Variants in LOC128462377 observed in about 807,000 individuals in gnomAD.
At chr16:89,388,254 GC>G in the LOC128462377 span, among the ~76,000 whole-genome samples, 58 of 150,544 alleles carry the variant, frequency 3.9e-4, no homozygotes, top group East Asian at 0.011. Flanking sequence ...CAGGGCCCAC[GC>G]GGGTGGTGCC....
At chr16:89,399,111 C>T in the LOC128462377 span, among the ~76,000 whole-genome samples, 4 of 152,182 alleles carry the variant, frequency 2.6e-5, no homozygotes, top group African/African-American at 9.7e-5. Flanking sequence ...CTGTCACAGC[C>T]CAGGTGGCTC....
At chr16:89,405,074 C>T in the LOC128462377 span, among the ~76,000 whole-genome samples, 77,782 of 151,824 alleles carry the variant, frequency 0.51, 20,364 homozygotes, top group Middle Eastern at 0.72. Flanking sequence ...CCCCGTCACA[C>T]GCTCTCACAG....
chr16:89,417,259 T>C, the LOC128462377 span, among the ~76,000 whole-genome samples: 2 of 152,188 alleles, frequency 1.3e-5, no homozygotes, highest in Non-Finnish European at 2.9e-5. Context: ...GGAAAGGTTC[T>C]TTCACGTTTG....
At chr16:89,347,739 TAAAAAAGA>T in the LOC128462377 span, among the ~76,000 whole-genome samples, 1 of 152,176 alleles carries the variant, frequency 6.6e-6, no homozygotes, top group East Asian at 1.9e-4. Flanking sequence ...GGTTACTTTT[TAAAAAAGA>T]ATACAAAGAG....
At chr16:89,382,803 C>G in the LOC128462377 span, among the ~76,000 whole-genome samples, 1 of 152,158 alleles carries the variant, frequency 6.6e-6, no homozygotes, top group Non-Finnish European at 1.5e-5. Flanking sequence ...TAACCACCAC[C>G]TTGACATCAT....
the LOC128462377 span, among the ~76,000 whole-genome samples, chr16:89,384,879 C>CTTTTTTTTTTTTTCTTTTTTTTTTT: frequency 2.0e-5 from 1 of 49,910 alleles, no homozygotes; most frequent in African/African-American, 7.9e-5. Flanking sequence ...AAATAGTTTT[C>CTTTTTTTTTTTTTCTTTTTTTTTTT]TTTTTTTTTT....
the LOC128462377 span, among the ~76,000 whole-genome samples, chr16:89,319,467 G>A: frequency 9.2e-5 from 14 of 152,226 alleles, no homozygotes; most frequent in East Asian, 1.9e-4. Context: ...CCAGGTGTAC[G>A]CTGTGTTTTC....
chr16:89,364,545 C>G, the LOC128462377 span, among the ~76,000 whole-genome samples: 191 of 152,340 alleles, frequency 1.3e-3, no homozygotes, highest in African/African-American at 4.1e-3. Context: ...CTGAGCACAG[C>G]AGTCAGACCC....
At chr16:89,401,592 C>T in the LOC128462377 span, among the ~76,000 whole-genome samples, 1 of 152,214 alleles carries the variant, frequency 6.6e-6, no homozygotes, top group Admixed American at 6.5e-5. Context: ...GCTTTATTTA[C>T]TGGTGTTATG....
chr16:89,328,901 G>A, the LOC128462377 span: 2 of 116,434 alleles, frequency 1.7e-5, no homozygotes, highest in East Asian at 5.5e-4. Context: ...CCAGGAGCAC[G>A]GGCGAAATCA....
the LOC128462377 span, among the ~76,000 whole-genome samples, chr16:89,390,211 C>T: frequency 6.9e-5 from 8 of 115,342 alleles, no homozygotes; most frequent in African/African-American, 2.4e-4. Context: ...GGGCGAACAC[C>T]GAGTGTGGCG....
At chr16:89,318,701 C>A in the LOC128462377 span, among the ~76,000 whole-genome samples, 2 of 152,202 alleles carry the variant, frequency 1.3e-5, no homozygotes, top group African/African-American at 4.8e-5. Flanking sequence ...CATCTCATGA[C>A]CTGCTTTGTC....
At chr16:89,396,495 C>A in the LOC128462377 span, among the ~76,000 whole-genome samples, 1 of 152,146 alleles carries the variant, frequency 6.6e-6, no homozygotes, top group African/African-American at 2.4e-5. Context: ...ATAATTATAT[C>A]AAAAAGCTAT....
At chr16:89,391,385 AC>A in the LOC128462377 span, among the ~76,000 whole-genome samples, 8 of 152,124 alleles carry the variant, frequency 5.3e-5, no homozygotes, top group East Asian at 1.5e-3. Flanking sequence ...TCCCTGGTGG[AC>A]CCCGTGCCGT....
chr16:89,416,678 C>A, the LOC128462377 span, among the ~76,000 whole-genome samples: 2 of 151,230 alleles, frequency 1.3e-5, no homozygotes, highest in African/African-American at 4.9e-5. Context: ...ACCTGTAATC[C>A]CAGCACTTTG....
At chr16:89,325,159 G>A in the LOC128462377 span, 2 of 152,614 alleles carry the variant, frequency 1.3e-5, no homozygotes, top group Non-Finnish European at 2.9e-5. Context: ...CTTCATAGCA[G>A]TGGGGTTTGC....
At chr16:89,348,376 C>T in the LOC128462377 span, among the ~76,000 whole-genome samples, 3 of 152,168 alleles carry the variant, frequency 2.0e-5, no homozygotes, top group Non-Finnish European at 4.4e-5. Flanking sequence ...CATGAGGTAT[C>T]GCTATCCTTT....
the LOC128462377 span, among the ~76,000 whole-genome samples, chr16:89,389,916 G>A: frequency 4.2e-5 from 4 of 94,390 alleles, no homozygotes; most frequent in African/African-American, 1.3e-4. Flanking sequence ...AGAGATCACT[G>A]GGGCGAACAC....
At chr16:89,406,294 C>T in the LOC128462377 span, among the ~76,000 whole-genome samples, 43 of 152,242 alleles carry the variant, frequency 2.8e-4, no homozygotes, top group African/African-American at 6.3e-4. Flanking sequence ...CTCAGGCCAA[C>T]GGCACTGACA....
Sources: allele counts gnomAD v4.1 joint callset (sites outside exome capture counted in the v4.1 genomes callset), GRCh38; gene constraint gnomAD v4.1.1; transcripts MANE v1.5.